ZFAND3: variants seen among roughly 807,000 people sequenced by gnomAD.
The protein encoded by ZFAND3 is AN1-type zinc finger protein 3.
Under a neutral mutation model 29.6 loss-of-function variants are expected in ZFAND3, and 10 were observed. The observed-to-expected ratio is 0.34, with a 90% CI of 0.21 to 0.57. The LOEUF is 0.57. Among genes scored for constraint, ZFAND3 ranks in the 20% least tolerant of loss-of-function variants. The pLI is 0.86. For missense variants in ZFAND3, 230 were observed against 304.5 expected, an observed-to-expected ratio of 0.76 and a Z score of 1.82; for synonymous variants, 128 against 112.6, an observed-to-expected ratio of 1.14 and a Z score of -0.87.
intron 5 of ZFAND3, among the ~76,000 whole-genome samples, chr6:38,119,367 C>T (rs1477978578): frequency 2.0e-5 from 3 of 152,018 alleles, no homozygotes; most frequent in Admixed American, 6.5e-5. Context: ...AAAGTGAAGA[C>T]TCAGGAAGGT....
chr6:37,823,792 A>AT (rs35888139), intron 1 of ZFAND3, among the ~76,000 whole-genome samples: 12,634 of 148,004 alleles, frequency 0.085, 725 homozygotes, highest in East Asian at 0.28. Flanking sequence ...ATTTTTTTGT[A>AT]TTTTTTTTTG....
intron 3 of ZFAND3, among the ~76,000 whole-genome samples, chr6:38,063,118 A>G (rs1277303970): frequency 6.6e-6 from 1 of 152,194 alleles, no homozygotes; most frequent in African/African-American, 2.4e-5. Context: ...TTAGTATTTC[A>G]AGTTTCATGA....
intron 1 of ZFAND3, among the ~76,000 whole-genome samples, chr6:37,908,249 T>G (rs560477873): frequency 1.7e-3 from 258 of 152,370 alleles, no homozygotes; most frequent in Middle Eastern, 6.8e-3. Context: ...CAAGGATTCT[T>G]AATTTTAAGG....
intron 1 of ZFAND3, among the ~76,000 whole-genome samples, chr6:37,850,419 C>T (rs1433842442): frequency 6.6e-6 from 1 of 152,164 alleles, no homozygotes; most frequent in African/African-American, 2.4e-5. Context: ...TCACTGCCCT[C>T]ATGTATCCTG....
chr6:37,824,342 T>G (rs1157686176), intron 1 of ZFAND3, among the ~76,000 whole-genome samples: 2 of 152,218 alleles, frequency 1.3e-5, no homozygotes, highest in Non-Finnish European at 2.9e-5. Context: ...TTTAAATTAT[T>G]TAGACATTTA....
chr6:38,068,307 T>TA (rs1764384847), intron 3 of ZFAND3, among the ~76,000 whole-genome samples: 1 of 152,214 alleles, frequency 6.6e-6, no homozygotes, highest in Non-Finnish European at 1.5e-5. Context: ...ATGTGGGAAA[T>TA]ACATGAAATT....
At chr6:38,080,804 A>AGCTTTGCATGTTTCTCATTGTCT in intron 3 of ZFAND3, among the ~76,000 whole-genome samples, 1 of 152,330 alleles carries the variant, frequency 6.6e-6, no homozygotes, top group East Asian at 1.9e-4. Context: ...AGGCTGTGTT[A>AGCTTTGCATGTTTCTCATTGTCT]GCTTTGCATG....
At chr6:37,937,645 C>T (rs1298290707) in intron 2 of ZFAND3, among the ~76,000 whole-genome samples, 15 of 117,308 alleles carry the variant, frequency 1.3e-4, no homozygotes, top group Non-Finnish European at 2.0e-4. Context: ...CAGAGCGAGA[C>T]TCCGTCTCAA....
At chr6:38,022,233 T>C (rs1763366906) in intron 2 of ZFAND3, among the ~76,000 whole-genome samples, 1 of 152,228 alleles carries the variant, frequency 6.6e-6, no homozygotes, top group African/African-American at 2.4e-5. Flanking sequence ...AGCTCCGATA[T>C]AAACCATGGC....
chr6:38,000,893 C>T (rs769179825), intron 2 of ZFAND3, among the ~76,000 whole-genome samples: 1 of 152,176 alleles, frequency 6.6e-6, no homozygotes, highest in African/African-American at 2.4e-5. Context: ...GGGGACACAA[C>T]CAAACCATAT....
chr6:38,010,193 GCACTCACAGT>G (rs1168338744), intron 2 of ZFAND3, among the ~76,000 whole-genome samples: 2 of 152,174 alleles, frequency 1.3e-5, no homozygotes, highest in Admixed American at 1.3e-4. Context: ...ATTGCAGGGC[GCACTCACAGT>G]CACTCATTCT....
At chr6:38,056,001 A>G (rs549944131) in intron 2 of ZFAND3, among the ~76,000 whole-genome samples, 3 of 152,348 alleles carry the variant, frequency 2.0e-5, no homozygotes, top group African/African-American at 7.2e-5. Flanking sequence ...ATTCTTATAT[A>G]CCATAGTAAG....
At chr6:38,151,004 G>C (rs1330630864) in intron 5 of ZFAND3, among the ~76,000 whole-genome samples, 1 of 152,188 alleles carries the variant, frequency 6.6e-6, no homozygotes, top group Non-Finnish European at 1.5e-5. Flanking sequence ...GCACTGGCAG[G>C]TGTCTTCCTA....
intron 4 of ZFAND3, among the ~76,000 whole-genome samples, chr6:38,116,211 C>T (rs765406701): frequency 1.3e-5 from 2 of 152,162 alleles, no homozygotes; most frequent in Non-Finnish European, 2.9e-5. Context: ...CTAACCAATA[C>T]AGGCAGTAAG....
intron 3 of ZFAND3, among the ~76,000 whole-genome samples, chr6:38,062,880 ATT>A (rs1764269353): frequency 6.6e-6 from 1 of 151,918 alleles, no homozygotes; most frequent in Non-Finnish European, 1.5e-5. Context: ...GAGGCCAGGA[ATT>A]TGAGACCAGC....
At chr6:38,103,578 T>C (rs192749164) in intron 4 of ZFAND3, among the ~76,000 whole-genome samples, 6 of 150,610 alleles carry the variant, frequency 4.0e-5, no homozygotes, top group East Asian at 1.9e-4. Flanking sequence ...TTCTCAAGTT[T>C]CTCTCTTTTG....
At chr6:38,078,433 A>T (rs1764594835) in intron 3 of ZFAND3, among the ~76,000 whole-genome samples, 1 of 152,206 alleles carries the variant, frequency 6.6e-6, no homozygotes, top group Non-Finnish European at 1.5e-5. Flanking sequence ...GTCTGTTAAT[A>T]AATATCTCCG....
chr6:37,998,192 C>A (rs751517898), intron 2 of ZFAND3, among the ~76,000 whole-genome samples: 5 of 152,122 alleles, frequency 3.3e-5, no homozygotes, highest in Non-Finnish European at 7.4e-5. Context: ...CAAAGTGGAA[C>A]CTGATTCAAA....
chr6:37,959,286 G>A (rs1485192567), intron 2 of ZFAND3, among the ~76,000 whole-genome samples: 1 of 152,202 alleles, frequency 6.6e-6, no homozygotes, highest in Admixed American at 6.5e-5. Flanking sequence ...AACATTATCA[G>A]TGCAGTTTCT....
Sources: allele counts gnomAD v4.1 joint callset (sites outside exome capture counted in the v4.1 genomes callset), GRCh38; gene constraint gnomAD v4.1.1; transcripts MANE v1.5; gene names NCBI Gene and HGNC (gene_info 2026-07-23, HGNC 2026-07-21).